The following CHIC1 variants were observed in gnomAD, a reference collection of about 807,000 sequenced individuals.
The protein encoded by CHIC1 is cysteine-rich hydrophobic domain-containing protein 1.
In CHIC1, 7 loss-of-function variants were observed where a neutral mutation model predicts 18.5. That is an observed-to-expected ratio of 0.38 (90% confidence interval 0.22 to 0.71). The LOEUF (loss-of-function observed/expected upper bound fraction) is 0.71, where lower values mean the gene tolerates loss of function less well. Ranked by LOEUF, CHIC1 falls within the 30% of genes least tolerant of loss-of-function variation. CHIC1 has a pLI of 0.49. For missense variants in CHIC1, 159 were observed against 176.9 expected, an observed-to-expected ratio of 0.90 and a Z score of 0.57; for synonymous variants, 77 against 73.5, an observed-to-expected ratio of 1.05 and a Z score of -0.25.
At chrX:73,568,778 C>G (rs2057456780) in intron 1 of CHIC1, among the ~76,000 whole-genome samples, 1 of 111,238 alleles carries the variant, frequency 9.0e-6, no homozygotes, top group African/African-American at 3.3e-5. Context: ...TCTAAGAAAG[C>G]TGAAGTTATT....
At chrX:73,660,818 A>G (rs1384340366) in intron 3 of CHIC1, among the ~76,000 whole-genome samples, 1 of 111,789 alleles carries the variant, frequency 8.9e-6, no homozygotes, top group East Asian at 2.8e-4. Context: ...ACATTAACAA[A>G]TTATTTGGAC....
intron 1 of CHIC1, among the ~76,000 whole-genome samples, chrX:73,572,073 G>C (rs1008921013): frequency 1.8e-5 from 2 of 110,916 alleles, no homozygotes; most frequent in African/African-American, 6.5e-5. Flanking sequence ...GGTGAGCATA[G>C]TACCCAATAG....
chrX:73,595,172 A>C (rs961158415), intron 3 of CHIC1, among the ~76,000 whole-genome samples: 6 of 110,375 alleles, frequency 5.4e-5, no homozygotes, highest in African/African-American at 2.0e-4. Context: ...GAACCACCAA[A>C]ATCTTCCCTT....
rs1252223070 is a variant in CHIC1, at chrX:73,563,476, A to AGAGGAG, written c.198_203dup (p.Glu67_Glu68dup). 3 of 1,167,236 alleles carry AGAGGAG rather than the reference A, an allele frequency of 2.6e-6. No individual in the cohort carries two copies. Among genetic ancestry groups the AGAGGAG allele is most frequent in the Admixed American group, 2.5e-5 (1 of 40,206 alleles). ...AGGAGGAAGAAGAGGAGGAGGAGGA[A>AGAGGAG]GAGGAGGAGGAAGCGCCGCCCCCGC... On this transcript the variant is annotated inframe_insertion, in exon 1 of 6. Coordinates refer to ENST00000373502, the MANE Select transcript of CHIC1 (RefSeq NM_001039840.4).
chrX:73,608,884 G>T (rs781321685), intron 3 of CHIC1, among the ~76,000 whole-genome samples: 1 of 107,572 alleles, frequency 9.3e-6, no homozygotes, highest in Admixed American at 9.8e-5. Context: ...GGACGCAGTG[G>T]GTCATGCCTG....
intron 3 of CHIC1, among the ~76,000 whole-genome samples, chrX:73,585,714 T>G (rs1253826761): frequency 1.8e-5 from 2 of 111,563 alleles, no homozygotes; most frequent in Non-Finnish European, 3.8e-5. Flanking sequence ...TTTTTTTGTT[T>G]GTTTGTTTCT....
chrX:73,630,817 T>G (rs73229443), intron 3 of CHIC1, among the ~76,000 whole-genome samples: 4,128 of 112,152 alleles, frequency 0.037, 80 homozygotes, highest in Middle Eastern at 0.055. Context: ...GGATTGGCAT[T>G]AATTAGTTTT....
At chrX:73,615,391 G>T (rs958965812) in intron 3 of CHIC1, among the ~76,000 whole-genome samples, 2 of 111,782 alleles carry the variant, frequency 1.8e-5, no homozygotes, top group Non-Finnish European at 3.8e-5. Flanking sequence ...GGATCTTGGG[G>T]GGTAGTGGAC....
chrX:73,643,146 T>G (rs1182142446), intron 3 of CHIC1, among the ~76,000 whole-genome samples: 1 of 111,850 alleles, frequency 8.9e-6, no homozygotes, highest in Non-Finnish European at 1.9e-5. Context: ...TGGCTGGATA[T>G]GAAATTCTGT....
At chrX:73,598,633 C>T (rs2057624498) in intron 3 of CHIC1, among the ~76,000 whole-genome samples, 1 of 109,070 alleles carries the variant, frequency 9.2e-6, no homozygotes, top group African/African-American at 3.3e-5. Context: ...TTTCCAATTT[C>T]ATCCATGTCC....
chrX:73,615,559 A>G (rs1733630607), intron 3 of CHIC1, among the ~76,000 whole-genome samples: 1 of 111,672 alleles, frequency 9.0e-6, no homozygotes. Context: ...CTAGTGGTTG[A>G]GTAGGCCTGA....
At chrX:73,618,758 C>T (rs775947308) in intron 3 of CHIC1, among the ~76,000 whole-genome samples, 84 of 112,514 alleles carry the variant, frequency 7.5e-4, no homozygotes, top group Non-Finnish European at 1.4e-3. Context: ...CCTGCTGTGG[C>T]TTCTGTGCTA....
chrX:73,650,599 C>T (rs1370498613), intron 3 of CHIC1, among the ~76,000 whole-genome samples: 3 of 108,550 alleles, frequency 2.8e-5, no homozygotes, highest in African/African-American at 6.7e-5. Context: ...ATAAACTCCT[C>T]GACACATACA....
At chrX:73,567,695 A>T (rs1490207904) in intron 1 of CHIC1, among the ~76,000 whole-genome samples, 1 of 110,852 alleles carries the variant, frequency 9.0e-6, no homozygotes, top group Non-Finnish European at 1.9e-5. Flanking sequence ...TGCAAGATAG[A>T]GACTAAGCTC....
chrX:73,598,394 A>G (rs960315015), intron 3 of CHIC1, among the ~76,000 whole-genome samples: 3 of 106,663 alleles, frequency 2.8e-5, no homozygotes, highest in Admixed American at 1.0e-4. Context: ...GGTTAGTTAC[A>G]TATGTATACA....
intron 2 of CHIC1, among the ~76,000 whole-genome samples, chrX:73,583,130 TTCACAACTATTG>T (rs1402905459): frequency 9.0e-6 from 1 of 111,339 alleles, no homozygotes; most frequent in Non-Finnish European, 1.9e-5. Context: ...GCCTTATAAT[TTCACAACTATTG>T]TTTGTTAACA....
At chrX:73,588,188 G>T (rs1019963320) in intron 3 of CHIC1, among the ~76,000 whole-genome samples, 8 of 111,061 alleles carry the variant, frequency 7.2e-5, no homozygotes. Context: ...TACTTACAGA[G>T]TTGTGTAACT....
intron 3 of CHIC1, among the ~76,000 whole-genome samples, chrX:73,591,796 AT>A (rs2057583311): frequency 2.7e-5 from 3 of 111,476 alleles, no homozygotes; most frequent in African/African-American, 9.8e-5. Context: ...AAAGACAACA[AT>A]TTCCTTGAAT....
intron 3 of CHIC1, among the ~76,000 whole-genome samples, chrX:73,631,128 T>C (rs1407668689): frequency 8.9e-6 from 1 of 111,781 alleles, no homozygotes; most frequent in Non-Finnish European, 1.9e-5. Context: ...TTTATTTGAG[T>C]GTTCTCCTTT....
Sources: allele counts gnomAD v4.1 joint callset (sites outside exome capture counted in the v4.1 genomes callset), GRCh38; gene constraint gnomAD v4.1.1; transcripts MANE v1.5; gene names NCBI Gene and HGNC (gene_info 2026-07-23, HGNC 2026-07-21).